The following CD96 variants were observed in gnomAD, a reference collection of about 807,000 sequenced individuals.
The protein encoded by CD96 is T-cell surface protein tactile.
CD96 carries 70 observed loss-of-function variants against 71.3 expected under a neutral mutation model. The ratio of observed to expected loss-of-function variants is 0.98; its 90% CI spans 0.81 to 1.20. The LOEUF (loss-of-function observed/expected upper bound fraction) is 1.20. Ranked by LOEUF, CD96 falls within the 50% of genes most tolerant of loss-of-function variation. The pLI, the probability that CD96 is intolerant of heterozygous loss-of-function variation, is 0.00. For synonymous variants in CD96, 248 were observed against 233.0 expected (o/e 1.06, Z -0.59); for missense variants, 742 against 677.5 (o/e 1.10, Z -1.06).
At chr3:111,598,045 T>G in intron 5 of CD96, 75 bp from the exon 6 acceptor site, 2 of 772,344 alleles carry the variant, frequency 2.6e-6, no homozygotes, top group Non-Finnish European at 2.4e-6. Flanking sequence ...CCAACTTATA[T>G]GAATGTTAGT....
chr3:111,596,807 T>A (rs538790630), intron 5 of CD96, among the ~76,000 whole-genome samples: 29 of 152,166 alleles, frequency 1.9e-4, no homozygotes, highest in Non-Finnish European at 3.5e-4. Context: ...GAGACTAGCA[T>A]CCCTGGCCCA....
intron 2 of CD96, among the ~76,000 whole-genome samples, chr3:111,563,948 A>G (rs1302761255): frequency 1.3e-5 from 2 of 152,200 alleles, no homozygotes; most frequent in South Asian, 4.1e-4. Flanking sequence ...TTATTAAAAA[A>G]GAATATAAAA....
intron 3 of CD96, among the ~76,000 whole-genome samples, chr3:111,574,313 A>G (rs1191526794): frequency 6.6e-6 from 1 of 152,210 alleles, no homozygotes; most frequent in Non-Finnish European, 1.5e-5. Flanking sequence ...TAGCGCACAC[A>G]TGATGCTCAA....
rs193100152 is a variant in CD96, at chr3:111,625,034, C to T, written c.1321+630C>T. On this transcript the variant is annotated intron_variant, in intron 10 of 13. Transcript: ENST00000352690. Reference sequence around the variant, plus strand: ...GAGGCTGGAGCAAAAGGAGAGAGGACGATGGATGCCACAGGGCCAGAACTC... The same window carrying T: ...GAGGCTGGAGCAAAAGGAGAGAGGATGATGGATGCCACAGGGCCAGAACTC... Among the ~76,000 whole-genome samples, 27 of 152,276 alleles carry T rather than the reference C, an allele frequency of 1.8e-4. No individual in the cohort carries two copies. In the East Asian group the frequency reaches 3.5e-3, roughly 20 times the overall value.
At chr3:111,600,636 AC>A in intron 6 of CD96, 89 bp from the exon 7 acceptor site, 1 of 984,398 alleles carries the variant, frequency 1.0e-6, no homozygotes. Context: ...ACTCTACATT[AC>A]CACAAATTGA....
intron 12 of CD96, among the ~76,000 whole-genome samples, chr3:111,643,357 A>AC (rs1226181738): frequency 2.0e-5 from 3 of 152,158 alleles, no homozygotes; most frequent in Non-Finnish European, 4.4e-5. Flanking sequence ...TCTATGACAA[A>AC]CCCACAGCCA....
At chr3:111,624,268 T>C in intron 9 of CD96, 65 bp from the exon 10 acceptor site, 1 of 1,104,012 alleles carries the variant, frequency 9.1e-7, no homozygotes, top group Non-Finnish European at 1.4e-6. Flanking sequence ...ATTCTGTGCA[T>C]CAAAGCAAAG....
At chr3:111,596,366 G>A (rs1374445323) in intron 5 of CD96, among the ~76,000 whole-genome samples, 8 of 152,232 alleles carry the variant, frequency 5.3e-5, no homozygotes, top group Admixed American at 2.0e-4. Context: ...GGAACGCAAA[G>A]TCTAGAGAGA....
At chr3:111,657,365 C>T (rs186355003), downstream of CD96, among the ~76,000 whole-genome samples, 518 of 151,706 alleles carry the variant, frequency 3.4e-3, 3 homozygotes, top group Middle Eastern at 0.027. Flanking sequence ...TTGTGGTGAG[C>T]TATCACACCG....
rs185323619 is a variant in CD96 at position 111,619,702 on chromosome 3, T to C, written c.1181-4052T>C. ...GGAAATATATGATCAATATGAATCT[T>C]TCAAAAACATGGCTATGAGGAATGC... is the stretch of plus-strand genomic sequence containing the variant. On this transcript the variant is annotated intron_variant, in intron 8 of 13. Transcript: ENST00000352690. 2.0e-5 allele frequency among the ~76,000 whole-genome samples: 3 copies of C among 152,304 alleles called. No homozygotes were observed. The East Asian group carries it at 5.8e-4, about 29-fold the overall frequency.
chr3:111,646,422 G>T (rs1939829317), intron 12 of CD96, among the ~76,000 whole-genome samples: 2 of 151,716 alleles, frequency 1.3e-5, no homozygotes, highest in Non-Finnish European at 2.9e-5. Flanking sequence ...AATGTAAAAT[G>T]ATTTTTACCT....
intron 2 of CD96, among the ~76,000 whole-genome samples, chr3:111,557,593 GT>G (rs1293543200): frequency 1.6e-5 from 2 of 127,998 alleles, no homozygotes; most frequent in Non-Finnish European, 1.6e-5. Flanking sequence ...GTACCATGCT[GT>G]TTTGGTTACT....
At chr3:111,553,569 A>G (rs1934836946) in intron 2 of CD96, among the ~76,000 whole-genome samples, 1 of 151,816 alleles carries the variant, frequency 6.6e-6, no homozygotes, top group South Asian at 2.1e-4. Context: ...GATTTGCCGA[A>G]TAGAAATATT....
rs796924555 is a variant in CD96, at chr3:111,611,222, C to T, written c.1180+4430C>T. On this transcript the variant is annotated intron_variant, in intron 8 of 13. Transcript: ENST00000352690. The stretch of plus-strand genomic sequence containing the variant: ...CTTAGAGTAAAACACTAGGTCCAGT[C>T]TGCCTCTAACCCTCAGCCAGCACCC... Among the ~76,000 whole-genome samples, 34 of 152,318 alleles carry T rather than the reference C, an allele frequency of 2.2e-4. 1 individual carries two copies. Among genetic ancestry groups the T allele is most frequent in the African/African-American group, 8.2e-4 (34 of 41,582 alleles).
chr3:111,645,438 G>A (rs1339048199), intron 12 of CD96, among the ~76,000 whole-genome samples: 1 of 151,962 alleles, frequency 6.6e-6, no homozygotes, highest in African/African-American at 2.4e-5. Context: ...CTTGGGTGTT[G>A]GCTGCACCAT....
intron 5 of CD96, among the ~76,000 whole-genome samples, chr3:111,586,597 TG>T (rs1044495563): frequency 2.0e-5 from 3 of 152,296 alleles, no homozygotes; most frequent in Middle Eastern, 6.8e-3. Context: ...TGCACATAGC[TG>T]GGGAAGCCTG....
intron 2 of CD96, among the ~76,000 whole-genome samples, chr3:111,550,478 T>C (rs1934641625): frequency 6.6e-6 from 1 of 151,952 alleles, no homozygotes. Flanking sequence ...GGGCAGGATC[T>C]AGTTGAAAAA....
chr3:111,571,158 C>T, intron 3 of CD96: 1 of 625,042 alleles, frequency 1.6e-6, no homozygotes, highest in Non-Finnish European at 2.9e-6. Context: ...CCCCCTTTTC[C>T]CTGCCCCCTT....
chr3:111,659,312 T>A (rs1435430823), intron 14 of CD96, among the ~76,000 whole-genome samples: 1 of 152,174 alleles, frequency 6.6e-6, no homozygotes, highest in Non-Finnish European at 1.5e-5. Context: ...TTATTTTATT[T>A]TTTTGAAGAA....
Sources: gnomAD v4.1 joint callset for allele counts (sites outside exome capture counted in the v4.1 genomes callset) on GRCh38, gnomAD v4.1.1 for gene constraint, MANE v1.5 for transcripts, NCBI Gene and HGNC (gene_info 2026-07-23, HGNC 2026-07-21) for gene names.